PTPRD: variants seen among roughly 807,000 people sequenced by gnomAD.
The protein encoded by PTPRD is protein tyrosine phosphatase receptor type D.
PTPRD carries 34 observed loss-of-function variants against 214.5 expected under a neutral mutation model. That is an observed-to-expected ratio of 0.16 (90% CI 0.12 to 0.21). The LOEUF is 0.21. Ranked by LOEUF, PTPRD falls within the 10% of genes least tolerant of loss-of-function variation. PTPRD has a pLI of 1.00. For missense variants in PTPRD, 2,545 were observed against 2,398.7 expected, an observed-to-expected ratio of 1.06 and a Z score of -1.27; for synonymous variants, 1,128 against 845.7, an observed-to-expected ratio of 1.33 and a Z score of -5.79.
At chr9:8,358,559 T>C (rs1222833941) in intron 39 of PTPRD, among the ~76,000 whole-genome samples, 1 of 152,168 alleles carries the variant, frequency 6.6e-6, no homozygotes, top group Non-Finnish European at 1.5e-5. Context: ...ACCTGTAAAA[T>C]GTAAACCTAT....
chr9:9,840,165 G>C (rs568852290), intron 5 of PTPRD, among the ~76,000 whole-genome samples: 4 of 151,914 alleles, frequency 2.6e-5, no homozygotes, highest in Non-Finnish European at 5.9e-5. Flanking sequence ...AGCCTTCCAA[G>C]TACCTGGCAT....
intron 2 of PTPRD, among the ~76,000 whole-genome samples, chr9:10,359,255 G>C (rs12004120): frequency 0.12 from 18,247 of 151,972 alleles, 2,320 homozygotes; most frequent in African/African-American, 0.32. Flanking sequence ...GTGTATGTAT[G>C]TGTGCATTTA....
intron 2 of PTPRD, among the ~76,000 whole-genome samples, chr9:10,553,410 G>C (rs2061784822): frequency 6.6e-6 from 1 of 150,416 alleles, no homozygotes; most frequent in Admixed American, 6.6e-5. Flanking sequence ...ACATAAAATA[G>C]TTCACAAAAA....
intron 5 of PTPRD, among the ~76,000 whole-genome samples, chr9:9,817,979 G>T (rs966414888): frequency 6.6e-6 from 1 of 152,122 alleles, no homozygotes; most frequent in Non-Finnish European, 1.5e-5. Flanking sequence ...TCTCCTGAGG[G>T]ACTTTCTTCA....
intron 11 of PTPRD, among the ~76,000 whole-genome samples, chr9:8,945,392 T>C (rs1394589744): frequency 6.6e-6 from 1 of 152,136 alleles, no homozygotes; most frequent in Non-Finnish European, 1.5e-5. Context: ...GACTTGTTCA[T>C]CTTTTCACTT....
At chr9:10,426,274 A>T (rs1401490897) in intron 2 of PTPRD, among the ~76,000 whole-genome samples, 1 of 151,996 alleles carries the variant, frequency 6.6e-6, no homozygotes, top group East Asian at 1.9e-4. Flanking sequence ...TAAGTTAATC[A>T]ATTCTCATTT....
chr9:8,758,217 C>T (rs758966044), intron 11 of PTPRD, among the ~76,000 whole-genome samples: 2 of 152,144 alleles, frequency 1.3e-5, no homozygotes, highest in Non-Finnish European at 2.9e-5. Flanking sequence ...TTCTCAACTG[C>T]GGTTCCACAA....
chr9:8,333,314 C>A (rs936385279), intron 43 of PTPRD, among the ~76,000 whole-genome samples: 1 of 152,020 alleles, frequency 6.6e-6, no homozygotes, highest in Admixed American at 6.6e-5. Context: ...CATTTCTGAC[C>A]ACAGTTGCTT....
chr9:8,526,900 A>G (rs891386959), intron 16 of PTPRD, among the ~76,000 whole-genome samples: 2 of 152,088 alleles, frequency 1.3e-5, no homozygotes, highest in Non-Finnish European at 2.9e-5. Context: ...GAAGCAACTG[A>G]GTTTTCAGGT....
chr9:10,240,749 T>C (rs1287922480), intron 3 of PTPRD, among the ~76,000 whole-genome samples: 1 of 151,862 alleles, frequency 6.6e-6, no homozygotes, highest in Non-Finnish European at 1.5e-5. Flanking sequence ...AAATGATAAA[T>C]CTGCATGAAG....
At chr9:10,424,128 G>A (rs2098586795) in intron 2 of PTPRD, among the ~76,000 whole-genome samples, 1 of 151,908 alleles carries the variant, frequency 6.6e-6, no homozygotes. Context: ...CGAAGAATTG[G>A]TGGAACATTA....
chr9:9,426,057 G>A (rs181377330), intron 8 of PTPRD, among the ~76,000 whole-genome samples: 18 of 152,162 alleles, frequency 1.2e-4, no homozygotes, highest in African/African-American at 4.3e-4. Flanking sequence ...TCCGGCAGTG[G>A]GTGCAGGACA....
chr9:8,932,784 C>A (rs1193625680), intron 11 of PTPRD, among the ~76,000 whole-genome samples: 1 of 152,174 alleles, frequency 6.6e-6, no homozygotes, highest in African/African-American at 2.4e-5. Context: ...AATTTCAAGC[C>A]AGTGGATCTT....
intron 7 of PTPRD, among the ~76,000 whole-genome samples, chr9:9,708,839 T>G (rs1206339582): frequency 6.6e-6 from 1 of 152,068 alleles, no homozygotes; most frequent in Non-Finnish European, 1.5e-5. Context: ...TATTTTTGTT[T>G]AGTTACACCT....
At chr9:10,476,729 C>T (rs2131948962) in intron 2 of PTPRD, among the ~76,000 whole-genome samples, 1 of 152,244 alleles carries the variant, frequency 6.6e-6, no homozygotes, top group East Asian at 1.9e-4. Flanking sequence ...TGCTACCTGA[C>T]TTCAAACTAC....
intron 11 of PTPRD, among the ~76,000 whole-genome samples, chr9:9,014,162 C>T (rs1016855385): frequency 6.7e-6 from 1 of 150,070 alleles, no homozygotes; most frequent in African/African-American, 2.5e-5. Context: ...ACTGTTTGGT[C>T]CATGCTATTA....
intron 2 of PTPRD, among the ~76,000 whole-genome samples, chr9:10,610,508 A>C (rs201951579): frequency 9.1e-6 from 1 of 110,418 alleles, no homozygotes; most frequent in South Asian, 3.7e-4. Flanking sequence ...TCAATAATTA[A>C]GTTTTTTTTT....
chr9:10,428,084 G>A (rs183108652), intron 2 of PTPRD, among the ~76,000 whole-genome samples: 483 of 152,140 alleles, frequency 3.2e-3, no homozygotes, highest in African/African-American at 0.011. Flanking sequence ...GGGAGGCCAA[G>A]GCGGGAATAC....
intron 7 of PTPRD, among the ~76,000 whole-genome samples, chr9:9,611,164 T>A (rs1281982895): frequency 6.6e-6 from 1 of 152,210 alleles, no homozygotes; most frequent in Admixed American, 6.5e-5. Context: ...ATTTAGGTTG[T>A]CTTCAAATTA....
Sources: gnomAD v4.1 joint callset for allele counts (sites outside exome capture counted in the v4.1 genomes callset) on GRCh38, gnomAD v4.1.1 for gene constraint, MANE v1.5 for transcripts, NCBI Gene and HGNC (gene_info 2026-07-23, HGNC 2026-07-21) for gene names.